Variants in ZWILCH observed in about 807,000 individuals in gnomAD.
ZWILCH encodes the protein zwilch kinetochore protein, also known as protein zwilch homolog.
In ZWILCH, 74 loss-of-function variants were observed where a neutral mutation model predicts 79.9. That is an observed-to-expected ratio of 0.93 (90% CI 0.77 to 1.12). The LOEUF (loss-of-function observed/expected upper bound fraction) is 1.12, where lower values mean the gene tolerates loss of function less well. ZWILCH is among the 50% of genes most tolerant of loss of function. The pLI, the probability that ZWILCH is intolerant of heterozygous loss-of-function variation, is 0.00. For synonymous variants in ZWILCH, 241 were observed against 228.2 expected, an observed-to-expected ratio of 1.06 and a Z score of -0.51; for missense variants, 694 against 687.5, an observed-to-expected ratio of 1.01 and a Z score of -0.11.
intron 6 of ZWILCH, among the ~76,000 whole-genome samples, 158 bp downstream of exon 6, chr15:66,520,818 A>T (rs1894466164): frequency 6.6e-6 from 1 of 152,224 alleles, no homozygotes. Flanking sequence ...ACCAAAATTA[A>T]AATGCCTTCA....
At chr15:66,520,327 C>T (rs1894446585) in intron 5 of ZWILCH, among the ~76,000 whole-genome samples, 1 of 152,012 alleles carries the variant, frequency 6.6e-6, no homozygotes, top group Non-Finnish European at 1.5e-5. Flanking sequence ...TGCTATGTTG[C>T]CCAGGCTGGT....
In ZWILCH at chr15:66,546,683, G is replaced by A. The variant is rs753711698; in HGVS notation, c.*4G>A. ...CAGCCAGGTGCATTTCAAGTGAAGT[G>A]TGCTGATGAAGTCCTCTATAAGGTA... On this transcript the variant is annotated 3_prime_UTR_variant, in exon 18 of 19. Transcript: ENST00000307897. 6.3e-7 allele frequency: 1 copy of A among 1,599,002 alleles called. No individual in the cohort carries two copies. Among genetic ancestry groups the A allele is most frequent in the South Asian group, 1.1e-5 (1 of 88,772 alleles).
In ZWILCH at chr15:66,527,903, T is replaced by G. The variant is rs568875661; in HGVS notation, c.960T>G (p.Thr320=). 2.7e-5 allele frequency: 43 copies of G among 1,599,790 alleles called. No homozygotes were observed. In the South Asian group the frequency reaches 4.5e-4, roughly 17 times the overall value. ...DGFGDSTKKD[T]EVETLKHDTA... is the part of the protein sequence containing the mutation. ...TTGGTGATTCTACAAAAAAAGACAC[T>G]GAGGTTGAGGTAAGTGATTATTATC... is the stretch of plus-strand genomic sequence containing the variant. The change falls in exon 10 of 19, where the codon ACT becomes ACG. Residue 320 remains threonine (T), a synonymous_variant. Transcript: ENST00000307897.
At chr15:66,536,788 C>G (rs572563753) in intron 15 of ZWILCH, among the ~76,000 whole-genome samples, 1 of 151,556 alleles carries the variant, frequency 6.6e-6, no homozygotes, top group Non-Finnish European at 1.5e-5. Context: ...AACTGTAATT[C>G]CTTGGACTCT....
chr15:66,535,938 C>T lies in ZWILCH; in HGVS notation c.1347C>T (p.Tyr449=), dbSNP rs1412824534. Reference sequence around the variant, plus strand: ...CTTATATTTTTTCATTCCAGGAATACTTCATTGCTCCATCAGTAGATATAC... The same window carrying T: ...CTTATATTTTTTCATTCCAGGAATATTTCATTGCTCCATCAGTAGATATAC... ...QELASLNHLE[Y]FIAPSVDIQE... The change falls in exon 15 of 19, where the codon TAC becomes TAT. Residue 449 remains tyrosine, a synonymous_variant. Coordinates refer to ENST00000307897, the MANE Select transcript of ZWILCH (RefSeq NM_017975.5). 3.8e-6 allele frequency: 6 copies of T among 1,599,306 alleles called. No homozygotes were observed. In the South Asian group the frequency reaches 6.8e-5, roughly 18 times the overall value.
intron 4 of ZWILCH, among the ~76,000 whole-genome samples, chr15:66,517,430 G>GTGTGTGTGTGTGTGTATATATA: frequency 4.5e-4 from 30 of 66,518 alleles, no homozygotes; most frequent in Non-Finnish European, 8.5e-4. Context: ...GTGTGTGTGT[G>GTGTGTGTGTGTGTGTATATATA]TATATATATA....
chr15:66,520,915 T>C (rs549078980), intron 6 of ZWILCH, 135 bp from the exon 7 acceptor site: 163 of 985,622 alleles, frequency 1.7e-4, no homozygotes, highest in Non-Finnish European at 2.2e-4. Context: ...CAAAAATATA[T>C]GGAAAGTATA....
intron 8 of ZWILCH, among the ~76,000 whole-genome samples, chr15:66,525,796 C>CT (rs1894652378): frequency 8.1e-6 from 1 of 123,634 alleles, no homozygotes; most frequent in African/African-American, 3.1e-5. Context: ...GAGTCTCACT[C>CT]TGTCACCCAG....
At chr15:66,546,765 T>C in intron 18 of ZWILCH, 60 bp downstream of exon 18, 1 of 837,616 alleles carries the variant, frequency 1.2e-6, no homozygotes, top group Non-Finnish European at 1.8e-6. Flanking sequence ...ACCTTACGTT[T>C]AGTTCTTTCT....
intron 16 of ZWILCH, among the ~76,000 whole-genome samples, chr15:66,538,362 C>T (rs528319607): frequency 6.6e-6 from 1 of 151,956 alleles, no homozygotes; most frequent in East Asian, 1.9e-4. Flanking sequence ...GTTGGCCCAC[C>T]CAGTCTTCCT....
chr15:66,545,448 A>G (rs1239255874), intron 17 of ZWILCH, among the ~76,000 whole-genome samples: 3 of 152,232 alleles, frequency 2.0e-5, no homozygotes, highest in Non-Finnish European at 2.9e-5. Flanking sequence ...ATAATGCTGA[A>G]TAAGCAAGTA....
chr15:66,536,107 A>G (rs1895009700), intron 15 of ZWILCH, 38 bp downstream of exon 15: 5 of 1,537,478 alleles, frequency 3.3e-6, no homozygotes, highest in Non-Finnish European at 2.6e-6. Context: ...ATAGAAATGT[A>G]TTTCTTTTGA....
At chr15:66,525,860 C>T (rs1894654587) in intron 8 of ZWILCH, among the ~76,000 whole-genome samples, 1 of 139,500 alleles carries the variant, frequency 7.2e-6, no homozygotes, top group Admixed American at 7.8e-5. Flanking sequence ...CTCCTAGATT[C>T]AAGTGATTTA....
intron 1 of ZWILCH, 151 bp from the exon 2 acceptor site, chr15:66,508,690 C>T: frequency 7.3e-7 from 1 of 1,376,168 alleles, no homozygotes. Flanking sequence ...TTTTTTCTCT[C>T]TCTGCAACTA....
At chr15:66,517,430 G>GTATATATATA (rs1555424251) in intron 4 of ZWILCH, among the ~76,000 whole-genome samples, 38 of 66,516 alleles carry the variant, frequency 5.7e-4, no homozygotes, top group Middle Eastern at 0.016. Context: ...GTGTGTGTGT[G>GTATATATATA]TATATATATA....
In ZWILCH at chr15:66,544,724, T is replaced by TTGTGTGTGTGTGTGTGTGTGTG. The variant is rs1555426547; in HGVS notation, c.1688-1853_1688-1832dup. 4.7e-3 allele frequency among the ~76,000 whole-genome samples: 609 copies of TTGTGTGTGTGTGTGTGTGTGTG among 128,520 alleles called. 4 individuals carry two copies. Among genetic ancestry groups the TTGTGTGTGTGTGTGTGTGTGTG allele is most frequent in the Middle Eastern group, 0.016 (4 of 250 alleles). The allele number at this position is 128,520 out of a possible 152,430, so 84.3% of individuals were successfully genotyped here. A position where few individuals can be genotyped will look rare whatever the true frequency, so the allele number is the denominator to read the frequency against. On this transcript the variant is annotated intron_variant, in intron 17 of 18. Transcript: ENST00000307897. ...TGTTTTTTTGTTGTTTTTTTGGTTT[T>TTGTGTGTGTGTGTGTGTGTGTG]TGTGTGTGTGTGTGTGTGTGTGTGT...
At chr15:66,545,502 A>G (rs1005243130) in intron 17 of ZWILCH, among the ~76,000 whole-genome samples, 1 of 152,212 alleles carries the variant, frequency 6.6e-6, no homozygotes, top group Admixed American at 6.5e-5. Flanking sequence ...GGATTGCAAC[A>G]AAAAAGAGTG....
chr15:66,542,746 A>G (rs1895233910), intron 17 of ZWILCH, among the ~76,000 whole-genome samples: 1 of 152,126 alleles, frequency 6.6e-6, no homozygotes, highest in Non-Finnish European at 1.5e-5. Context: ...ACTCCCAGCT[A>G]CTTGGGAGGC....
intron 8 of ZWILCH, among the ~76,000 whole-genome samples, chr15:66,523,969 T>G (rs1894591437): frequency 6.6e-6 from 1 of 152,066 alleles, no homozygotes; most frequent in Non-Finnish European, 1.5e-5. Context: ...CTCTCACCCT[T>G]TGTGTTGTTT....
Sources: gnomAD v4.1 joint callset for allele counts (sites outside exome capture counted in the v4.1 genomes callset) on GRCh38, gnomAD v4.1.1 for gene constraint, MANE v1.5 for transcripts, NCBI Gene and HGNC (gene_info 2026-07-23, HGNC 2026-07-21) for gene names.